Variants in ZFAND3 observed in about 807,000 individuals in gnomAD.
The protein encoded by ZFAND3 is zinc finger AN1-type containing 3, also known as AN1-type zinc finger protein 3.
ZFAND3 carries 10 observed loss-of-function variants against 29.6 expected under a neutral mutation model. The ratio of observed to expected loss-of-function variants is 0.34; its 90% CI spans 0.21 to 0.57. ZFAND3 has a LOEUF of 0.57. ZFAND3 is among the 20% of genes least tolerant of loss of function. ZFAND3 has a pLI of 0.86. For missense variants in ZFAND3, 230 were observed against 304.5 expected (o/e 0.76, Z 1.82); for synonymous variants, 128 against 112.6 (o/e 1.14, Z -0.87).
At chr6:38,012,418 A>G (rs1279693307) in intron 2 of ZFAND3, among the ~76,000 whole-genome samples, 3 of 133,438 alleles carry the variant, frequency 2.2e-5, no homozygotes, top group African/African-American at 8.7e-5. Flanking sequence ...GTGCACTGTC[A>G]CCCAGGCTGG....
intron 4 of ZFAND3, among the ~76,000 whole-genome samples, chr6:38,095,663 G>T (rs1186343171): frequency 6.6e-6 from 1 of 152,134 alleles, no homozygotes; most frequent in African/African-American, 2.4e-5. Context: ...AGCAGTGTTA[G>T]AGTTCCTGCA....
intron 3 of ZFAND3, among the ~76,000 whole-genome samples, chr6:38,072,074 G>T (rs1220833747): frequency 1.3e-5 from 2 of 152,000 alleles, no homozygotes; most frequent in African/African-American, 2.4e-5. Flanking sequence ...TTGAAAATTT[G>T]GATGCTTTGT....
At chr6:37,877,314 C>G (rs1764811701) in intron 1 of ZFAND3, among the ~76,000 whole-genome samples, 1 of 152,306 alleles carries the variant, frequency 6.6e-6, no homozygotes, top group Non-Finnish European at 1.5e-5. Context: ...CTCAGATTAT[C>G]ATGGAAATTG....
At chr6:37,974,496 C>G (rs1033305853) in intron 2 of ZFAND3, among the ~76,000 whole-genome samples, 4 of 145,480 alleles carry the variant, frequency 2.7e-5, no homozygotes, top group African/African-American at 1.0e-4. Flanking sequence ...CCTCAACTTT[C>G]TAGATTCAGG....
intron 2 of ZFAND3, among the ~76,000 whole-genome samples, chr6:38,026,287 C>T (rs947368677): frequency 6.6e-6 from 1 of 152,148 alleles, no homozygotes; most frequent in Non-Finnish European, 1.5e-5. Context: ...ACTACTCCTT[C>T]TTTTGCCGTC....
At chr6:37,824,167 G>T (rs1763717667) in intron 1 of ZFAND3, among the ~76,000 whole-genome samples, 2 of 152,244 alleles carry the variant, frequency 1.3e-5, no homozygotes, top group South Asian at 4.1e-4. Context: ...ACATTTTCTT[G>T]GCTCATTTTA....
At chr6:38,012,452 C>G (rs1003163834) in intron 2 of ZFAND3, among the ~76,000 whole-genome samples, 2 of 148,480 alleles carry the variant, frequency 1.3e-5, no homozygotes, top group Admixed American at 6.8e-5. Context: ...GATCTTGGCT[C>G]ACTGCAACCT....
chr6:37,998,049 C>T (rs566708871), intron 2 of ZFAND3, among the ~76,000 whole-genome samples: 2 of 152,170 alleles, frequency 1.3e-5, no homozygotes, highest in Admixed American at 6.5e-5. Context: ...TTATGATCTC[C>T]AGAAAATGGA....
At chr6:37,929,912 T>A in intron 1 of ZFAND3, 47 bp from the exon 2 acceptor site, 1 of 1,556,378 alleles carries the variant, frequency 6.4e-7, no homozygotes, top group Non-Finnish European at 8.6e-7. Context: ...TAGAGTGATA[T>A]GGAGTTTTTA....
intron 2 of ZFAND3, among the ~76,000 whole-genome samples, chr6:38,005,689 A>G (rs1763036366): frequency 6.6e-6 from 1 of 152,228 alleles, no homozygotes; most frequent in South Asian, 2.1e-4. Context: ...TACATTCTGC[A>G]TGGTTAATAA....
rs999141219 is a variant in ZFAND3 at position 37,819,739 on chromosome 6, G to A, written c.-207G>A. ...GCCTCTCCGCCCCCTCCCCGTCTCC[G>A]CAGGCCGAGTGGTGCGGCCCGCCTC... On this transcript the variant is annotated 5_prime_UTR_variant, in exon 1 of 6. Coordinates refer to ENST00000287218, the MANE Select transcript of ZFAND3 (RefSeq NM_021943.3). 5.3e-5 allele frequency: 11 copies of A among 208,710 alleles called. No individual in the cohort carries two copies. Among genetic ancestry groups the A allele is most frequent in the Non-Finnish European group, 7.3e-5 (8 of 108,984 alleles). The allele number at this position is 208,710 out of a possible 1,614,324, so 12.9% of individuals were successfully genotyped here.
At chr6:38,015,194 GTTTC>G (rs1280179406) in intron 2 of ZFAND3, among the ~76,000 whole-genome samples, 2 of 152,072 alleles carry the variant, frequency 1.3e-5, no homozygotes, top group Non-Finnish European at 2.9e-5. Context: ...TGCTTTTGTA[GTTTC>G]TTTAAGGATT....
At chr6:37,914,350 TTTG>T (rs764088378) in intron 1 of ZFAND3, among the ~76,000 whole-genome samples, 4 of 152,092 alleles carry the variant, frequency 2.6e-5, no homozygotes, top group African/African-American at 7.2e-5. Flanking sequence ...GCATAGTTGT[TTTG>T]TTTTGTTTTT....
At chr6:37,863,172 T>C (rs1474440086) in intron 1 of ZFAND3, among the ~76,000 whole-genome samples, 1 of 152,202 alleles carries the variant, frequency 6.6e-6, no homozygotes, top group Non-Finnish European at 1.5e-5. Flanking sequence ...GATAAGTTTA[T>C]TCACCTATTT....
chr6:37,973,155 A>G (rs1360333225), intron 2 of ZFAND3, among the ~76,000 whole-genome samples: 1 of 152,116 alleles, frequency 6.6e-6, no homozygotes, highest in Non-Finnish European at 1.5e-5. Flanking sequence ...CAGTTTTCAA[A>G]TGTTGCAAAG....
Position 38,149,719 on chromosome 6 carries a change from C to T in ZFAND3, c.530-2516C>T, listed in dbSNP as rs149886170. 1.6e-4 allele frequency among the ~76,000 whole-genome samples: 25 copies of T among 152,290 alleles called. No individual in the cohort carries two copies. The East Asian group carries it at 4.6e-3, about 28-fold the overall frequency. ...CATGGAGAAGGGGGGCCAGATGTAG[C>T]ATTTCCCTTCCACCCCAGTCCATCT... On this transcript the variant is annotated intron_variant, in intron 5 of 5. Transcript: ENST00000287218.
chr6:37,848,084 T>C (rs1764214868), intron 1 of ZFAND3, among the ~76,000 whole-genome samples: 1 of 152,268 alleles, frequency 6.6e-6, no homozygotes. Context: ...TGATCCCTTT[T>C]AGATTGCTGC....
chr6:37,914,918 G>GA (rs1436784628), intron 1 of ZFAND3, among the ~76,000 whole-genome samples: 1 of 152,052 alleles, frequency 6.6e-6, no homozygotes, highest in Admixed American at 6.6e-5. Flanking sequence ...TTGGTTCTTT[G>GA]AAACGTTGAA....
At chr6:37,881,034 G>T (rs1764886113) in intron 1 of ZFAND3, among the ~76,000 whole-genome samples, 1 of 151,568 alleles carries the variant, frequency 6.6e-6, no homozygotes. Flanking sequence ...TACTCTTCAA[G>T]GGAAGGCTGA....
Sources: gnomAD v4.1 joint callset for allele counts (sites outside exome capture counted in the v4.1 genomes callset) on GRCh38, gnomAD v4.1.1 for gene constraint, MANE v1.5 for transcripts, NCBI Gene and HGNC (gene_info 2026-07-23, HGNC 2026-07-21) for gene names.